Variants in AFG1L observed in about 807,000 individuals in gnomAD.
AFG1L encodes the protein AFG1 like ATPase, also known as AFG1-like ATPase.
AFG1L carries 53 observed loss-of-function variants against 62.2 expected under a neutral mutation model. The ratio of observed to expected loss-of-function variants is 0.85; its 90% confidence interval spans 0.68 to 1.07. The LOEUF (loss-of-function observed/expected upper bound fraction) is 1.07, where lower values mean the gene tolerates loss of function less well. Ranked by LOEUF, AFG1L falls within the 50% of genes least tolerant of loss-of-function variation. The pLI is 0.00. For missense variants in AFG1L, 555 were observed against 590.5 expected (o/e 0.94, Z 0.62); for synonymous variants, 228 against 210.3 (o/e 1.08, Z -0.73).
chr6:108,320,102 G>A (rs1046309262), intron 1 of AFG1L, among the ~76,000 whole-genome samples: 9 of 152,122 alleles, frequency 5.9e-5, no homozygotes, highest in Admixed American at 1.3e-4. Context: ...ACAATGAGAC[G>A]AATTTCAAGC....
chr6:108,407,419 T>G (rs1781905843), intron 7 of AFG1L, among the ~76,000 whole-genome samples: 1 of 152,164 alleles, frequency 6.6e-6, no homozygotes, highest in Non-Finnish European at 1.5e-5. Flanking sequence ...TGGCTCACAC[T>G]TGTAATCCCA....
chr6:108,371,664 A>T (rs1160358306), intron 6 of AFG1L, among the ~76,000 whole-genome samples: 2 of 151,892 alleles, frequency 1.3e-5, no homozygotes, highest in Non-Finnish European at 2.9e-5. Context: ...TGTGCCTGGC[A>T]TGATTACTAT....
chr6:108,462,056 C>CT (rs1772481329), intron 8 of AFG1L, among the ~76,000 whole-genome samples: 1 of 152,072 alleles, frequency 6.6e-6, no homozygotes, highest in African/African-American at 2.4e-5. Flanking sequence ...GATTGTACCA[C>CT]TGCACTCTAG....
intron 12 of AFG1L, 110 bp downstream of exon 12, chr6:108,519,920 T>C (rs1775058951): frequency 1.5e-5 from 9 of 585,326 alleles, no homozygotes; most frequent in Admixed American, 3.5e-5. Context: ...TAACCATTGA[T>C]TGGCGCTTCT....
At chr6:108,319,835 G>A (rs2114282566) in intron 1 of AFG1L, 1 of 413,480 alleles carries the variant, frequency 2.4e-6, no homozygotes, top group Admixed American at 2.5e-5. Flanking sequence ...AAGTAAATAT[G>A]CTCTGTGGAT....
intron 1 of AFG1L, among the ~76,000 whole-genome samples, chr6:108,301,259 C>CCAT (rs1776988548): frequency 6.6e-6 from 1 of 152,146 alleles, no homozygotes; most frequent in Non-Finnish European, 1.5e-5. Flanking sequence ...CCTCCTATCT[C>CCAT]ATCCTGTGAC....
At chr6:108,449,728 T>C (rs1319353704) in intron 8 of AFG1L, among the ~76,000 whole-genome samples, 2 of 152,116 alleles carry the variant, frequency 1.3e-5, no homozygotes, top group African/African-American at 4.8e-5. Context: ...ATTAGGTATA[T>C]CTCCTAATGC....
At chr6:108,307,769 TG>T (rs1777261556) in intron 1 of AFG1L, among the ~76,000 whole-genome samples, 1 of 152,246 alleles carries the variant, frequency 6.6e-6, no homozygotes, top group South Asian at 2.1e-4. Context: ...TTTTCTAAAA[TG>T]GTTATATCAG....
intron 8 of AFG1L, among the ~76,000 whole-genome samples, chr6:108,451,990 C>A (rs974517656): frequency 6.6e-6 from 1 of 152,150 alleles, no homozygotes; most frequent in Admixed American, 6.5e-5. Context: ...GCTGGAATTA[C>A]AGGCGTTGAG....
intron 7 of AFG1L, among the ~76,000 whole-genome samples, chr6:108,414,929 G>T (rs1711853612): frequency 6.6e-6 from 1 of 152,182 alleles, no homozygotes; most frequent in South Asian, 2.1e-4. Flanking sequence ...AGGGCAATCA[G>T]GCAAGGGAAA....
chr6:108,489,481 A>G (rs1210267530), intron 10 of AFG1L, among the ~76,000 whole-genome samples: 2 of 152,220 alleles, frequency 1.3e-5, no homozygotes, highest in African/African-American at 2.4e-5. Flanking sequence ...AAGAATCCCA[A>G]GTCTCCACGA....
At chr6:108,434,215 A>G (rs1042876250) in intron 7 of AFG1L, among the ~76,000 whole-genome samples, 4 of 152,212 alleles carry the variant, frequency 2.6e-5, no homozygotes, top group African/African-American at 9.6e-5. Context: ...ATTTAAATGT[A>G]TTACAGCTCT....
intron 3 of AFG1L, among the ~76,000 whole-genome samples, chr6:108,355,379 T>G (rs1779233473): frequency 6.6e-6 from 1 of 152,226 alleles, no homozygotes; most frequent in Non-Finnish European, 1.5e-5. Flanking sequence ...TCTTGCCAGT[T>G]TATGCACATA....
chr6:108,392,906 T>A (rs1164306332), intron 6 of AFG1L, among the ~76,000 whole-genome samples: 1 of 152,118 alleles, frequency 6.6e-6, no homozygotes, highest in African/African-American at 2.4e-5. Context: ...ACACTTGGAT[T>A]TTTAAGGAAA....
intron 7 of AFG1L, among the ~76,000 whole-genome samples, chr6:108,435,222 G>A (rs919307998): frequency 1.3e-5 from 2 of 152,204 alleles, no homozygotes; most frequent in Admixed American, 6.5e-5. Flanking sequence ...GGCTATGGGA[G>A]GCAGGCTTTG....
At chr6:108,384,501 A>G (rs908637046) in intron 6 of AFG1L, among the ~76,000 whole-genome samples, 7 of 152,246 alleles carry the variant, frequency 4.6e-5, no homozygotes, top group African/African-American at 1.4e-4. Flanking sequence ...AAATATCAAC[A>G]TTCTTCAGTG....
At chr6:108,364,238 C>T (rs948577299) in intron 5 of AFG1L, among the ~76,000 whole-genome samples, 4 of 152,108 alleles carry the variant, frequency 2.6e-5, no homozygotes, top group Non-Finnish European at 4.4e-5. Flanking sequence ...CGAACAAGTG[C>T]GGGGACAAGA....
intron 6 of AFG1L, among the ~76,000 whole-genome samples, chr6:108,374,711 C>A (rs752077477): frequency 6.6e-6 from 1 of 152,128 alleles, no homozygotes; most frequent in Non-Finnish European, 1.5e-5. Flanking sequence ...GGTACCAGTA[C>A]CATGCTATTT....
At chr6:108,431,013 C>T (rs1472746203) in intron 7 of AFG1L, among the ~76,000 whole-genome samples, 1 of 152,202 alleles carries the variant, frequency 6.6e-6, no homozygotes, top group African/African-American at 2.4e-5. Flanking sequence ...CAAACTAGTA[C>T]CTTAGATCAT....
Sources: allele counts gnomAD v4.1 joint callset (sites outside exome capture counted in the v4.1 genomes callset), GRCh38; gene constraint gnomAD v4.1.1; transcripts MANE v1.5; gene names NCBI Gene and HGNC (gene_info 2026-07-23, HGNC 2026-07-21).